The following SORCS3 variants were observed in gnomAD, a reference collection of about 807,000 sequenced individuals.
SORCS3 encodes VPS10 domain-containing receptor SorCS3.
Under a neutral mutation model 146.3 loss-of-function variants are expected in SORCS3, and 57 were observed. That is an observed-to-expected ratio of 0.39 (90% CI 0.31 to 0.49). The LOEUF is 0.49. SORCS3 is among the 20% of genes least tolerant of loss of function. The probability of loss-of-function intolerance (pLI) is 0.92; values close to 1 mark genes in which losing one functional copy is unlikely to be tolerated. For synonymous variants in SORCS3, 653 were observed against 618.5 expected (o/e 1.06, Z -0.83); for missense variants, 1,341 against 1,575.5 (o/e 0.85, Z 2.52).
intron 1 of SORCS3, among the ~76,000 whole-genome samples, chr10:104,751,944 T>TATATATATATATAC (rs2016990914): frequency 8.9e-6 from 1 of 112,650 alleles, no homozygotes. Context: ...TATATATATA[T>TATATATATATATAC]ATATATATAT....
chr10:105,264,213 C>G lies in SORCS3; in HGVS notation c.*839C>G, dbSNP rs2056978361. 1 of 152,016 alleles carries G rather than the reference C, an allele frequency of 6.6e-6. No homozygotes were observed. Among genetic ancestry groups the G allele is most frequent in the Non-Finnish European group, 1.5e-5 (1 of 68,014 alleles). 9.4% of individuals were successfully genotyped at this position (152,016 alleles called of 1,614,324 possible). On this transcript the variant is annotated 3_prime_UTR_variant, in exon 27 of 27. Transcript: ENST00000369701. ...ACTCTAGTGACATCATAGAACATGGCAGTCGTTTTTGTTCCAAGAATGATA... is the reference window on the plus strand; with the variant it reads ...ACTCTAGTGACATCATAGAACATGGGAGTCGTTTTTGTTCCAAGAATGATA...
At chr10:104,728,724 A>G (rs2016671205) in intron 1 of SORCS3, among the ~76,000 whole-genome samples, 1 of 152,178 alleles carries the variant, frequency 6.6e-6, no homozygotes, top group Non-Finnish European at 1.5e-5. Flanking sequence ...GCATCTGTAT[A>G]TAACCCCTGG....
At position 104,929,447 on chromosome 10, in the gene SORCS3, C is replaced by T. The variant is rs569515091; in HGVS notation, c.795+13515C>T. Among the ~76,000 whole-genome samples, 10 of 152,282 alleles carry T rather than the reference C, an allele frequency of 6.6e-5. No individual in the cohort carries two copies. The East Asian group carries it at 1.7e-3, about 26-fold the overall frequency. On this transcript the variant is annotated intron_variant, in intron 3 of 26. Coordinates refer to ENST00000369701, the MANE Select transcript of SORCS3 (RefSeq NM_014978.3). ...ATATAGAAAAAGTTCTTTCAACTTC[C>T]AAAATGAAAACAATAACAAACTCCT...
intron 3 of SORCS3, among the ~76,000 whole-genome samples, chr10:104,972,227 T>G (rs566319162): frequency 6.6e-6 from 1 of 152,252 alleles, no homozygotes; most frequent in East Asian, 1.9e-4. Flanking sequence ...CAAAGCCAGT[T>G]TGGATATTAT....
At chr10:104,834,858 G>A (rs1589517573) in intron 1 of SORCS3, among the ~76,000 whole-genome samples, 1 of 151,976 alleles carries the variant, frequency 6.6e-6, no homozygotes, top group Non-Finnish European at 1.5e-5. Context: ...ATTGGTCAAT[G>A]TAGTACACCC....
At chr10:105,127,211 T>C (rs1222084553) in intron 7 of SORCS3, among the ~76,000 whole-genome samples, 2 of 152,082 alleles carry the variant, frequency 1.3e-5, no homozygotes, top group African/African-American at 2.4e-5. Context: ...CCCTGTTTCC[T>C]GCAGGAAAGC....
intron 20 of SORCS3, among the ~76,000 whole-genome samples, chr10:105,227,791 T>C (rs757937219): frequency 2.6e-5 from 4 of 152,166 alleles, no homozygotes; most frequent in Admixed American, 6.5e-5. Flanking sequence ...TATCATTATA[T>C]AATGATCTTC....
chr10:104,850,885 CCTT>C (rs1393053994), intron 2 of SORCS3, among the ~76,000 whole-genome samples: 1 of 152,200 alleles, frequency 6.6e-6, no homozygotes, highest in Non-Finnish European at 1.5e-5. Flanking sequence ...AGCACAACCA[CCTT>C]CTTTCATAAA....
At chr10:104,963,234 A>T (rs2054806238) in intron 3 of SORCS3, among the ~76,000 whole-genome samples, 1 of 152,200 alleles carries the variant, frequency 6.6e-6, no homozygotes, top group Non-Finnish European at 1.5e-5. Context: ...GTCTCGTTCC[A>T]TATTGCCACA....
intron 9 of SORCS3, among the ~76,000 whole-genome samples, chr10:105,156,313 C>T (rs1341880893): frequency 6.6e-6 from 1 of 152,200 alleles, no homozygotes; most frequent in Non-Finnish European, 1.5e-5. Flanking sequence ...TTATAAGTAT[C>T]TGCTTTCCTT....
chr10:104,873,184 A>G (rs1323777234), intron 2 of SORCS3, among the ~76,000 whole-genome samples: 1 of 152,266 alleles, frequency 6.6e-6, no homozygotes, highest in Non-Finnish European at 1.5e-5. Context: ...GAAACATAGC[A>G]AGGGTTTCTG....
chr10:105,149,318 G>A (rs573404957), intron 9 of SORCS3, among the ~76,000 whole-genome samples: 13 of 152,156 alleles, frequency 8.5e-5, no homozygotes, highest in Admixed American at 5.2e-4. Flanking sequence ...AATGTCATTC[G>A]GTAGAAAACA....
chr10:104,778,162 T>C (rs1202313426), intron 1 of SORCS3, among the ~76,000 whole-genome samples: 1 of 152,220 alleles, frequency 6.6e-6, no homozygotes, highest in African/African-American at 2.4e-5. Flanking sequence ...AGACGATGGA[T>C]ATCCCAATTA....
At chr10:104,696,239 T>C (rs1396915840) in intron 1 of SORCS3, among the ~76,000 whole-genome samples, 1 of 124,520 alleles carries the variant, frequency 8.0e-6, no homozygotes, top group Non-Finnish European at 1.5e-5. Flanking sequence ...ATATATCATA[T>C]ACACATATGA....
intron 5 of SORCS3, among the ~76,000 whole-genome samples, chr10:105,045,021 G>GAAAAAAAAAAAAAAAAAAAA (rs35904016): frequency 8.5e-6 from 1 of 118,012 alleles, no homozygotes; most frequent in African/African-American, 3.4e-5. Context: ...TCCAGAATTC[G>GAAAAAAAAAAAAAAAAAAAA]AAAAAAAAAA....
intron 1 of SORCS3, among the ~76,000 whole-genome samples, chr10:104,726,750 A>G (rs1438747391): frequency 1.3e-5 from 2 of 152,018 alleles, no homozygotes; most frequent in African/African-American, 4.8e-5. Context: ...CCTGTGGGTA[A>G]AAAACTGCCC....
At chr10:104,965,274 G>T (rs1001833215) in intron 3 of SORCS3, among the ~76,000 whole-genome samples, 3 of 152,086 alleles carry the variant, frequency 2.0e-5, no homozygotes, top group Non-Finnish European at 4.4e-5. Flanking sequence ...ATTTATACTT[G>T]CATCAACACT....
chr10:105,133,920 T>C (rs2056039590), intron 7 of SORCS3, among the ~76,000 whole-genome samples: 1 of 152,188 alleles, frequency 6.6e-6, no homozygotes, highest in South Asian at 2.1e-4. Context: ...ATTGTACCAC[T>C]GCACTCTAGC....
intron 1 of SORCS3, among the ~76,000 whole-genome samples, chr10:104,662,048 A>C (rs2015709457): frequency 6.6e-6 from 1 of 152,188 alleles, no homozygotes; most frequent in Non-Finnish European, 1.5e-5. Flanking sequence ...CTTTAACAGA[A>C]AACTGTGATG....
Sources: allele counts gnomAD v4.1 joint callset (sites outside exome capture counted in the v4.1 genomes callset), GRCh38; gene constraint gnomAD v4.1.1; transcripts MANE v1.5; gene names NCBI Gene and HGNC (gene_info 2026-07-23, HGNC 2026-07-21).